GRM7: variants seen among roughly 807,000 people sequenced by gnomAD.
GRM7 encodes metabotropic glutamate receptor 7.
Under a neutral mutation model 84.5 loss-of-function variants are expected in GRM7, and 35 were observed. The observed-to-expected ratio is 0.41, with a 90% CI of 0.32 to 0.55. The LOEUF (loss-of-function observed/expected upper bound fraction) is 0.55. GRM7 is among the 20% of genes least tolerant of loss of function. The pLI is 0.19. For missense variants in GRM7, 1,003 were observed against 1,194.6 expected (o/e 0.84, Z 2.36); for synonymous variants, 487 against 455.1 (o/e 1.07, Z -0.89).
chr3:7,657,660 G>A (rs1699264404), intron 8 of GRM7, among the ~76,000 whole-genome samples: 1 of 152,114 alleles, frequency 6.6e-6, no homozygotes, highest in Non-Finnish European at 1.5e-5. Flanking sequence ...GAAGGGTTGA[G>A]CTCTCAGAAC....
intron 3 of GRM7, among the ~76,000 whole-genome samples, chr3:7,304,976 C>T (rs12489402): frequency 0.36 from 55,383 of 151,906 alleles, 10,907 homozygotes; most frequent in Middle Eastern, 0.48. Flanking sequence ...TGCATGACAA[C>T]TGATGGGGTT....
At chr3:6,870,578 T>C (rs1247755456) in intron 1 of GRM7, among the ~76,000 whole-genome samples, 1 of 152,150 alleles carries the variant, frequency 6.6e-6, no homozygotes, top group Non-Finnish European at 1.5e-5. Flanking sequence ...TGAGATGAGC[T>C]GTCTCTTGTT....
intron 2 of GRM7, among the ~76,000 whole-genome samples, chr3:7,295,511 A>G (rs1699782067): frequency 6.7e-6 from 1 of 149,796 alleles, no homozygotes; most frequent in Non-Finnish European, 1.5e-5. Context: ...GTTGAGGTCT[A>G]CAAAAATAAA....
Position 7,096,328 on chromosome 3 carries a change from G to A in GRM7, c.520-50124G>A, listed in dbSNP as rs1161766966. ...AATAGCCATACTTTGAGGGTCCCCA[G>A]GACACCTGTACTTCTGATAGATTGG... On this transcript the variant is annotated intron_variant, in intron 1 of 9. Transcript: ENST00000357716. 2.0e-5 allele frequency among the ~76,000 whole-genome samples: 3 copies of A among 152,080 alleles called. No individual in the cohort carries two copies. In the East Asian group the frequency reaches 5.8e-4, roughly 29 times the overall value.
intron 4 of GRM7, among the ~76,000 whole-genome samples, chr3:7,344,600 A>G (rs955254676): frequency 6.6e-6 from 1 of 152,218 alleles, no homozygotes; most frequent in South Asian, 2.1e-4. Context: ...GTAAAAAATT[A>G]TATAAAAGCC....
At chr3:7,257,790 T>C (rs1370097953) in intron 2 of GRM7, among the ~76,000 whole-genome samples, 2 of 152,210 alleles carry the variant, frequency 1.3e-5, no homozygotes, top group Non-Finnish European at 2.9e-5. Flanking sequence ...ATCTCGTGAA[T>C]CTTTCCTTAA....
chr3:7,275,382 A>C lies in GRM7; in HGVS notation c.737-23302A>C, dbSNP rs552818840. 3.3e-5 allele frequency among the ~76,000 whole-genome samples: 5 copies of C among 152,292 alleles called. No individual in the cohort carries two copies. In the South Asian group the frequency reaches 1.0e-3, roughly 32 times the overall value. On this transcript the variant is annotated intron_variant, in intron 2 of 9. Coordinates refer to ENST00000357716, the MANE Select transcript of GRM7 (RefSeq NM_000844.4). ...AGCTAGGCATGATGTACCTGCTAAG[A>C]GAAACAGCTGTAAATAGGCCTTTAC...
intron 1 of GRM7, among the ~76,000 whole-genome samples, chr3:7,039,988 G>T (rs533614029): frequency 2.6e-5 from 4 of 152,232 alleles, no homozygotes; most frequent in African/African-American, 9.6e-5. Context: ...CCTAGCAATT[G>T]CTTGGCAATT....
intron 7 of GRM7, among the ~76,000 whole-genome samples, chr3:7,532,483 T>G (rs530685137): frequency 4.1e-4 from 62 of 152,096 alleles, no homozygotes; most frequent in Non-Finnish European, 7.8e-4. Flanking sequence ...TTATTATTTT[T>G]TATTGTGTCT....
intron 2 of GRM7, among the ~76,000 whole-genome samples, chr3:7,155,692 G>A (rs1050959441): frequency 3.3e-5 from 5 of 152,032 alleles, no homozygotes; most frequent in East Asian, 1.9e-4. Flanking sequence ...TTTGGCAAAC[G>A]AATTCCTGCT....
chr3:6,862,892 A>G lies in GRM7; in HGVS notation c.519+985A>G. The stretch of plus-strand genomic sequence containing the variant: ...CTCCGGTGCCGGAGGGAGACGGAGA[A>G]AAAATGGGAGGAAGGCGGATCCGGG... On this transcript the variant is annotated intron_variant, in intron 1 of 9. Coordinates refer to ENST00000357716, the MANE Select transcript of GRM7 (RefSeq NM_000844.4). The surrounding 1 kb of genome is among the most constrained non-coding windows in gnomAD (Gnocchi z 5.2). 4.8e-6 allele frequency: 2 copies of G among 415,220 alleles called. No individual in the cohort carries two copies. Among genetic ancestry groups the G allele is most frequent in the South Asian group, 3.4e-5 (2 of 59,180 alleles). 25.7% of individuals were successfully genotyped at this position (415,220 alleles called of 1,614,324 possible).
chr3:7,162,728 CATTTTTT>C (rs1694665128), intron 2 of GRM7, among the ~76,000 whole-genome samples: 2 of 57,140 alleles, frequency 3.5e-5, no homozygotes, highest in Admixed American at 2.3e-4. Flanking sequence ...TCCCATTTTT[CATTTTTT>C]TTTTTTTTTT....
intron 1 of GRM7, among the ~76,000 whole-genome samples, chr3:6,971,123 A>G (rs538662985): frequency 4.6e-5 from 7 of 152,094 alleles, no homozygotes; most frequent in Admixed American, 2.6e-4. Context: ...GTATTTACCG[A>G]GGGAGAGGAT....
At chr3:7,345,407 G>C (rs559656361) in intron 4 of GRM7, among the ~76,000 whole-genome samples, 3 of 151,690 alleles carry the variant, frequency 2.0e-5, no homozygotes, top group Admixed American at 2.0e-4. Flanking sequence ...CTCCCAAATG[G>C]TAGCTGGGAT....
intron 1 of GRM7, among the ~76,000 whole-genome samples, chr3:6,869,236 G>A (rs1255800608): frequency 6.6e-6 from 1 of 151,988 alleles, no homozygotes; most frequent in Non-Finnish European, 1.5e-5. Flanking sequence ...TCCACTTACT[G>A]CCTGTCTGAC....
chr3:6,904,694 T>A (rs2125008971), intron 1 of GRM7, among the ~76,000 whole-genome samples: 1 of 152,170 alleles, frequency 6.6e-6, no homozygotes, highest in East Asian at 1.9e-4. Context: ...GACCACAATG[T>A]TTTTAATCAT....
intron 1 of GRM7, among the ~76,000 whole-genome samples, chr3:7,046,160 T>A (rs182552651): frequency 6.6e-6 from 1 of 152,292 alleles, no homozygotes; most frequent in East Asian, 1.9e-4. Flanking sequence ...TCCATTGTTA[T>A]GCTTTTTGTG....
At chr3:6,919,963 A>G (rs1368995543) in intron 1 of GRM7, among the ~76,000 whole-genome samples, 5 of 152,190 alleles carry the variant, frequency 3.3e-5, no homozygotes, top group Non-Finnish European at 7.3e-5. Context: ...ATGAGATGGC[A>G]ATTATTAAGC....
intron 1 of GRM7, among the ~76,000 whole-genome samples, chr3:6,915,322 G>T (rs867248052): frequency 6.6e-6 from 1 of 152,094 alleles, no homozygotes; most frequent in Non-Finnish European, 1.5e-5. Context: ...GGTGGTTGTC[G>T]TTGCTGTTGT....
Sources: gnomAD v4.1 joint callset for allele counts (sites outside exome capture counted in the v4.1 genomes callset) on GRCh38, gnomAD v4.1.1 for gene constraint, Gnocchi (gnomAD v3.1) non-coding constraint, MANE v1.5 for transcripts, NCBI Gene and HGNC (gene_info 2026-07-23, HGNC 2026-07-21) for gene names.